Variants in DZANK1 observed in about 807,000 individuals in gnomAD.
DZANK1 encodes double zinc ribbon and ankyrin repeat domains 1.
Under a neutral mutation model 94.5 loss-of-function variants are expected in DZANK1, and 91 were observed. The ratio of observed to expected loss-of-function variants is 0.96; its 90% CI spans 0.81 to 1.15. DZANK1 has a LOEUF of 1.15. Ranked by LOEUF, DZANK1 falls within the 50% of genes most tolerant of loss-of-function variation. The probability of loss-of-function intolerance (pLI) is 0.00; values close to 1 mark genes in which losing one functional copy is unlikely to be tolerated. For missense variants in DZANK1, 903 were observed against 916.4 expected (o/e 0.99, Z 0.19); for synonymous variants, 312 against 325.3 (o/e 0.96, Z 0.44).
At chr20:18,453,076 C>A (rs999534319) in intron 5 of DZANK1, among the ~76,000 whole-genome samples, 4 of 152,124 alleles carry the variant, frequency 2.6e-5, no homozygotes, top group African/African-American at 9.7e-5. Context: ...CGTTAGCAGC[C>A]CCCTCTTTGC....
chr20:18,398,531 T>C, exon 14 of DZANK1: 1 of 1,613,948 alleles, frequency 6.2e-7, no homozygotes, highest in Non-Finnish European at 8.5e-7. Context: ...ACCTTTCCCA[T>C]CCTGGGTTCT....
chr20:18,465,457 T>A (rs1054583810), intron 1 of DZANK1, 80 bp from the exon 2 acceptor site: 2 of 455,538 alleles, frequency 4.4e-6, no homozygotes, highest in Non-Finnish European at 7.5e-6. Context: ...GCAAAACTAG[T>A]TAAAACGAGA....
At chr20:18,395,639 G>A (rs1008466573) in intron 15 of DZANK1, among the ~76,000 whole-genome samples, 6 of 152,094 alleles carry the variant, frequency 3.9e-5, no homozygotes, top group Non-Finnish European at 7.4e-5. Flanking sequence ...CAACTTTGTG[G>A]TTTAATTCAT....
At chr20:18,385,157 A>G (rs1356872528) in intron 19 of DZANK1, 67 bp from the exon 20 acceptor site, 1 of 1,479,676 alleles carries the variant, frequency 6.8e-7, no homozygotes, top group Non-Finnish European at 9.2e-7. Context: ...GAGAGGATGC[A>G]TGTGACCCAA....
intron 7 of DZANK1, among the ~76,000 whole-genome samples, chr20:18,445,430 A>G (rs1483525107): frequency 6.6e-6 from 1 of 152,254 alleles, no homozygotes; most frequent in East Asian, 1.9e-4. Flanking sequence ...AACTGATTAC[A>G]TGATAAACAG....
At chr20:18,449,023 G>C (rs892327507) in exon 7 of DZANK1, 2 of 1,613,696 alleles carry the variant, frequency 1.2e-6, no homozygotes, top group Non-Finnish European at 1.7e-6. Context: ...CATTATCTCC[G>C]TGCTTGTCAA....
intron 13 of DZANK1, among the ~76,000 whole-genome samples, chr20:18,399,821 C>T (rs73121126): frequency 2.0e-3 from 308 of 152,314 alleles, no homozygotes; most frequent in Middle Eastern, 0.014. Flanking sequence ...GGACAGGGCA[C>T]AGGCTCTCCA....
chr20:18,454,651 G>C (rs1417825654), intron 4 of DZANK1: 3 of 154,668 alleles, frequency 1.9e-5, no homozygotes, highest in Admixed American at 1.9e-4. Flanking sequence ...CAACATAAAA[G>C]AATTCTATGC....
chr20:18,428,002 T>A (rs903435186), intron 9 of DZANK1, among the ~76,000 whole-genome samples: 12 of 150,706 alleles, frequency 8.0e-5, no homozygotes, highest in Non-Finnish European at 1.3e-4. Context: ...TACAAAAAAA[T>A]TAGCCGAGTG....
intron 3 of DZANK1, among the ~76,000 whole-genome samples, chr20:18,455,587 G>C (rs1555777829): frequency 2.0e-5 from 3 of 152,174 alleles, no homozygotes; most frequent in Non-Finnish European, 4.4e-5. Flanking sequence ...CTTAAAACAT[G>C]AATCTGTGGA....
chr20:18,400,581 G>A (rs1156337180), intron 13 of DZANK1, among the ~76,000 whole-genome samples: 1 of 152,166 alleles, frequency 6.6e-6, no homozygotes, highest in African/African-American at 2.4e-5. Context: ...ATTTGATGAG[G>A]CATGCTAGCA....
chr20:18,396,288 T>C (rs974002757), intron 15 of DZANK1, among the ~76,000 whole-genome samples, 184 bp downstream of exon 15: 44 of 152,238 alleles, frequency 2.9e-4, no homozygotes, highest in African/African-American at 1.0e-3. Flanking sequence ...TCTCACTATA[T>C]CTTCATGTGC....
At chr20:18,447,999 T>C (rs889904788) in intron 7 of DZANK1, among the ~76,000 whole-genome samples, 5 of 152,198 alleles carry the variant, frequency 3.3e-5, no homozygotes, top group African/African-American at 7.2e-5. Flanking sequence ...TTTTATTGTA[T>C]CTGTTAATTT....
chr20:18,428,483 G>A (rs1339772506), intron 9 of DZANK1: 6 of 152,502 alleles, frequency 3.9e-5, no homozygotes, highest in South Asian at 4.1e-4. Context: ...CACCGTGCCC[G>A]GCCGTAAGTA....
chr20:18,452,394 TTC>T (rs761328712), intron 6 of DZANK1, among the ~76,000 whole-genome samples: 1 of 152,186 alleles, frequency 6.6e-6, no homozygotes, highest in Non-Finnish European at 1.5e-5. Context: ...ATTTTAAATT[TTC>T]TGTTTATTTA....
At chr20:18,443,073 G>T (rs2058760998) in intron 8 of DZANK1, among the ~76,000 whole-genome samples, 1 of 152,148 alleles carries the variant, frequency 6.6e-6, no homozygotes, top group African/African-American at 2.4e-5. Flanking sequence ...GCTATCAAAT[G>T]AGTAGGAAAC....
chr20:18,400,554 GA>G (rs1174193978), intron 13 of DZANK1, among the ~76,000 whole-genome samples: 2 of 152,154 alleles, frequency 1.3e-5, no homozygotes, highest in Non-Finnish European at 2.9e-5. Context: ...AAAACAGTGA[GA>G]GAGAGAATGG....
chr20:18,416,032 C>CA (rs2057473338), intron 10 of DZANK1, among the ~76,000 whole-genome samples: 2 of 152,326 alleles, frequency 1.3e-5, no homozygotes, highest in Admixed American at 1.3e-4. Flanking sequence ...ATGGGAGTGA[C>CA]AGCACAGTGG....
rs549641776 is a variant in DZANK1, at chr20:18,460,031, A to T, written c.263+122T>A. ...AATGTTACATACATATGCTGAAATT[A>T]AAATAATGTTTCAGTAGTGTCCTTC... On this transcript the variant is annotated intron_variant, in intron 3 of 20. Transcript: ENST00000262547. 2.0e-3 allele frequency: 1,455 copies of T among 731,162 alleles called. 5 individuals are homozygous for T. The highest frequency in any genetic ancestry group is 2.7e-3 in the Non-Finnish European group (1,335 of 490,608). The allele number at this position is 731,162 out of a possible 1,614,324, so 45.3% of individuals were successfully genotyped here.
Sources: allele counts gnomAD v4.1 joint callset (sites outside exome capture counted in the v4.1 genomes callset), GRCh38; gene constraint gnomAD v4.1.1; transcripts MANE v1.5; gene names NCBI Gene and HGNC (gene_info 2026-07-23, HGNC 2026-07-21).